PLXNA4: variants seen among roughly 807,000 people sequenced by gnomAD.
PLXNA4 encodes the protein plexin A4.
In PLXNA4, 44 loss-of-function variants were observed where a neutral mutation model predicts 191.8. That is an observed-to-expected ratio of 0.23 (90% CI 0.18 to 0.29). PLXNA4 has a LOEUF of 0.29. Among genes scored for constraint, PLXNA4 ranks in the 10% least tolerant of loss-of-function variants. The pLI is 1.00. For synonymous variants in PLXNA4, 1,082 were observed against 1,009.5 expected (o/e 1.07, Z -1.36); for missense variants, 1,800 against 2,488.8 (o/e 0.72, Z 5.89).
chr7:132,489,632 G>A (rs553338821), intron 2 of PLXNA4, among the ~76,000 whole-genome samples, 158 bp from the exon 3 acceptor site: 18 of 152,238 alleles, frequency 1.2e-4, no homozygotes, highest in Middle Eastern at 3.4e-3. Flanking sequence ...AGAGAAACTA[G>A]GTGACCTGTG....
upstream of PLXNA4, among the ~76,000 whole-genome samples, chr7:132,580,374 G>A (rs1440997420): frequency 6.6e-6 from 1 of 152,076 alleles, no homozygotes; most frequent in African/African-American, 2.4e-5. Context: ...CTTGGTGAGG[G>A]CTAAGGGAGA....
At chr7:132,377,443 A>G (rs1213174433) in intron 3 of PLXNA4, among the ~76,000 whole-genome samples, 11 of 151,988 alleles carry the variant, frequency 7.2e-5, no homozygotes, top group African/African-American at 2.4e-4. Flanking sequence ...AAAAAAGAAA[A>G]CAAAACAAAA....
chr7:132,327,373 T>A (rs1427282050), intron 3 of PLXNA4, among the ~76,000 whole-genome samples: 1 of 152,124 alleles, frequency 6.6e-6, no homozygotes, highest in East Asian at 1.9e-4. Context: ...ATTAAATATA[T>A]AGATTTTTTA....
intron 3 of PLXNA4, among the ~76,000 whole-genome samples, chr7:132,335,628 C>T (rs7784962): frequency 0.51 from 77,067 of 152,088 alleles, 21,789 homozygotes; most frequent in African/African-American, 0.77. Flanking sequence ...CATGAAATGA[C>T]GAGTTTCTAC....
intron 1 of PLXNA4, among the ~76,000 whole-genome samples, chr7:132,563,350 TCTC>T (rs1309118404): frequency 0.013 from 214 of 16,318 alleles, 5 homozygotes; most frequent in African/African-American, 0.05. Context: ...TCCTCCTCTT[TCTC>T]CTCCTTCTCC....
chr7:132,544,591 G>A (rs1800215240), intron 1 of PLXNA4, among the ~76,000 whole-genome samples: 1 of 152,020 alleles, frequency 6.6e-6, no homozygotes, highest in African/African-American at 2.4e-5. Context: ...TGATCCATGG[G>A]GGCTTCTAGG....
At chr7:132,133,780 G>C (rs1180254937) in intron 30 of PLXNA4, among the ~76,000 whole-genome samples, 4 of 152,038 alleles carry the variant, frequency 2.6e-5, no homozygotes, top group Non-Finnish European at 5.9e-5. Flanking sequence ...TCTGCAATTT[G>C]ACATTTTATG....
At chr7:132,441,629 A>T (rs1007825837) in intron 3 of PLXNA4, among the ~76,000 whole-genome samples, 4 of 152,240 alleles carry the variant, frequency 2.6e-5, no homozygotes, top group African/African-American at 4.8e-5. Context: ...AATGAATGGA[A>T]TTCTTTTTTA....
chr7:132,208,137 T>C (rs991404338), intron 10 of PLXNA4, among the ~76,000 whole-genome samples: 2 of 152,214 alleles, frequency 1.3e-5, no homozygotes, highest in African/African-American at 4.8e-5. Flanking sequence ...TGCTTGATGG[T>C]AAGAAGCAAC....
intron 3 of PLXNA4, among the ~76,000 whole-genome samples, chr7:132,450,567 C>T (rs541913972): frequency 6.6e-6 from 1 of 152,306 alleles, no homozygotes; most frequent in South Asian, 2.1e-4. Flanking sequence ...TCTCCAACTC[C>T]TTGGTCACTC....
chr7:132,553,742 A>G (rs1163547992), intron 1 of PLXNA4, among the ~76,000 whole-genome samples: 1 of 152,198 alleles, frequency 6.6e-6, no homozygotes, highest in Non-Finnish European at 1.5e-5. Flanking sequence ...GATAAACAGA[A>G]GAGAGTGGAG....
intron 29 of PLXNA4, among the ~76,000 whole-genome samples, chr7:132,142,125 T>C (rs1795288707): frequency 1.3e-5 from 2 of 152,224 alleles, no homozygotes; most frequent in Non-Finnish European, 2.9e-5. Context: ...GAGGGAAAAG[T>C]GTGCCCTGCA....
At chr7:132,560,338 G>A (rs1800986401) in intron 1 of PLXNA4, among the ~76,000 whole-genome samples, 1 of 152,138 alleles carries the variant, frequency 6.6e-6, no homozygotes. Context: ...TTTTCCACTG[G>A]AAAGTAGTGG....
rs1794717437 is a variant in PLXNA4 at position 132,124,526 on chromosome 7, C to G, written c.*5953G>C. On this transcript the variant is annotated 3_prime_UTR_variant, in exon 32 of 32. Transcript: ENST00000321063. ...TGCTTGAGTCAAAAGATCAAAGATA[C>G]TAACAAAGGAAGTTCTAATTCCAAA... The G allele has an allele frequency of 2.6e-5, 4 of 152,210 alleles. No individual in the cohort carries two copies. Among genetic ancestry groups the G allele is most frequent in the Admixed American group, 2.6e-4 (4 of 15,284 alleles). 9.4% of individuals were successfully genotyped at this position (152,210 alleles called of 1,614,324 possible). A position where few individuals can be genotyped will look rare whatever the true frequency, so the allele number is the denominator to read the frequency against.
intron 4 of PLXNA4, among the ~76,000 whole-genome samples, chr7:132,289,269 C>G (rs1366379675): frequency 1.3e-5 from 2 of 152,230 alleles, no homozygotes; most frequent in African/African-American, 2.4e-5. Context: ...TCTGACCACT[C>G]TCTTTTAAAA....
chr7:132,363,098 C>T (rs1156283549), intron 3 of PLXNA4, among the ~76,000 whole-genome samples: 1 of 152,164 alleles, frequency 6.6e-6, no homozygotes, highest in East Asian at 1.9e-4. Flanking sequence ...GATTCTCTTA[C>T]CTCAGCCTCC....
At chr7:132,282,790 G>T (rs1800534446) in intron 4 of PLXNA4, among the ~76,000 whole-genome samples, 2 of 151,998 alleles carry the variant, frequency 1.3e-5, no homozygotes, top group Admixed American at 6.6e-5. Flanking sequence ...TTTGGTCTCT[G>T]GTATTCTGGA....
intron 22 of PLXNA4, among the ~76,000 whole-genome samples, chr7:132,167,131 T>C (rs887080653): frequency 6.6e-6 from 1 of 152,114 alleles, no homozygotes; most frequent in African/African-American, 2.4e-5. Flanking sequence ...TAACTTCAGA[T>C]ATGCCAAGGC....
intron 3 of PLXNA4, among the ~76,000 whole-genome samples, chr7:132,435,502 C>T (rs1795436514): frequency 6.6e-6 from 1 of 152,098 alleles, no homozygotes; most frequent in Non-Finnish European, 1.5e-5. Flanking sequence ...CCCCAATCTC[C>T]TACAAAGAGA....
Sources: allele counts gnomAD v4.1 joint callset (sites outside exome capture counted in the v4.1 genomes callset), GRCh38; gene constraint gnomAD v4.1.1; transcripts MANE v1.5; gene names NCBI Gene and HGNC (gene_info 2026-07-23, HGNC 2026-07-21).